Variants in CDH8 observed in about 807,000 individuals in gnomAD.
CDH8 encodes cadherin 8.
In CDH8, 17 loss-of-function variants were observed where a neutral mutation model predicts 68.1. That is an observed-to-expected ratio of 0.25 (90% CI 0.17 to 0.37). The LOEUF (loss-of-function observed/expected upper bound fraction) is 0.37, where lower values mean the gene tolerates loss of function less well. Ranked by LOEUF, CDH8 falls within the 10% of genes least tolerant of loss-of-function variation. CDH8 has a pLI of 1.00. For synonymous variants in CDH8, 372 were observed against 365.1 expected (o/e 1.02, Z -0.21); for missense variants, 763 against 999.3 (o/e 0.76, Z 3.19).
rs879615023 is a variant in CDH8, at chr16:61,825,797, G to A, written c.668-618C>T. Among the ~76,000 whole-genome samples, 6 of 151,688 alleles carry A rather than the reference G, an allele frequency of 4.0e-5. 1 individual carries two copies. The East Asian group carries it at 1.2e-3, about 29-fold the overall frequency. ...CTTCTCTTTGTAAAAGTAGCAAATA[G>A]TTTAGAAAAATAGGAAGATATAGGA... On this transcript the variant is annotated intron_variant, in intron 4 of 11. Transcript: ENST00000577390.
chr16:61,811,076 G>C (rs527521373), intron 7 of CDH8, among the ~76,000 whole-genome samples: 1 of 151,604 alleles, frequency 6.6e-6, no homozygotes, highest in South Asian at 2.1e-4. Flanking sequence ...AAGGGCTTTG[G>C]TTTTTCTGGG....
intron 10 of CDH8, among the ~76,000 whole-genome samples, chr16:61,712,804 C>A (rs950678841): frequency 1.3e-5 from 2 of 151,478 alleles, no homozygotes; most frequent in Admixed American, 1.3e-4. Flanking sequence ...CAAAGCGTCC[C>A]CACAGAACTA....
rs199698347 is a variant in CDH8, at chr16:61,735,476, G to A, written c.1415-8261C>T. ...CCCATAACTCTCTCCTGAGAATTTC[G>A]ATAAATGCCTTTTGTCATTCATTCA... On this transcript the variant is annotated intron_variant, in intron 8 of 11. Coordinates refer to ENST00000577390, the MANE Select transcript of CDH8 (RefSeq NM_001796.5). 2.0e-4 allele frequency among the ~76,000 whole-genome samples: 30 copies of A among 152,092 alleles called. No homozygotes were observed. The East Asian group carries it at 3.3e-3, about 17-fold the overall frequency.
chr16:61,821,423 A>T (rs1286184176), intron 5 of CDH8, among the ~76,000 whole-genome samples: 2 of 152,036 alleles, frequency 1.3e-5, no homozygotes, highest in Non-Finnish European at 2.9e-5. Context: ...TAGGGAATCT[A>T]TGTGTATATT....
intron 10 of CDH8, among the ~76,000 whole-genome samples, chr16:61,689,738 G>A (rs189979609): frequency 5.9e-5 from 9 of 152,048 alleles, no homozygotes; most frequent in Admixed American, 2.6e-4. Context: ...GATAAGAATA[G>A]CCAGATATTT....
At chr16:61,808,095 T>C (rs1961839277) in intron 7 of CDH8, among the ~76,000 whole-genome samples, 1 of 152,202 alleles carries the variant, frequency 6.6e-6, no homozygotes, top group Non-Finnish European at 1.5e-5. Flanking sequence ...ATTTTTCATA[T>C]CCTTTGCTGA....
Position 61,766,109 on chromosome 16 carries a change from C to T in CDH8, c.1414+23237G>A, listed in dbSNP as rs551189021. Among the ~76,000 whole-genome samples the T allele has an allele frequency of 4.4e-3, 673 of 151,694 alleles. 3 individuals are homozygous for T. The highest frequency in any genetic ancestry group is 7.4e-3 in the Admixed American group (113 of 15,184). ...ATCACCCAAGTAGTGTACATTGTAC[C>T]CAATAGGTAGTGTTTTGTTCTTCAC... On this transcript the variant is annotated intron_variant, in intron 8 of 11. Coordinates refer to ENST00000577390, the MANE Select transcript of CDH8 (RefSeq NM_001796.5).
intron 8 of CDH8, among the ~76,000 whole-genome samples, chr16:61,761,270 A>G (rs1344596912): frequency 6.6e-6 from 1 of 152,196 alleles, no homozygotes; most frequent in African/African-American, 2.4e-5. Context: ...GGTATTATAA[A>G]TAACTTTTCT....
intron 2 of CDH8, among the ~76,000 whole-genome samples, chr16:62,006,516 A>G (rs1218762645): frequency 6.6e-6 from 1 of 152,218 alleles, no homozygotes; most frequent in Non-Finnish European, 1.5e-5. Flanking sequence ...GGATTCAGGT[A>G]AGATCTAAAT....
chr16:61,941,174 A>G (rs574386282), intron 2 of CDH8, among the ~76,000 whole-genome samples: 2 of 152,174 alleles, frequency 1.3e-5, no homozygotes, highest in Non-Finnish European at 2.9e-5. Context: ...TTTTGTTCTC[A>G]TTTTATTCAT....
At chr16:61,977,110 G>A (rs924335588) in intron 2 of CDH8, among the ~76,000 whole-genome samples, 3 of 152,124 alleles carry the variant, frequency 2.0e-5, no homozygotes, top group Non-Finnish European at 4.4e-5. Flanking sequence ...ACTGCTGTGG[G>A]ATTAAGAAAA....
chr16:61,860,680 A>T (rs1963134179), intron 3 of CDH8, among the ~76,000 whole-genome samples: 1 of 152,206 alleles, frequency 6.6e-6, no homozygotes, highest in Non-Finnish European at 1.5e-5. Flanking sequence ...ATATTAAGTT[A>T]ATGAATCTGA....
intron 10 of CDH8, among the ~76,000 whole-genome samples, chr16:61,674,225 C>A (rs150042440): frequency 1.3e-5 from 2 of 151,874 alleles, no homozygotes; most frequent in African/African-American, 4.8e-5. Context: ...GAGGCCAAGG[C>A]GGGCATATTA....
At chr16:61,788,334 C>A (rs2142993927) in intron 8 of CDH8, among the ~76,000 whole-genome samples, 1 of 152,106 alleles carries the variant, frequency 6.6e-6, no homozygotes, top group East Asian at 1.9e-4. Flanking sequence ...GGCATATTTC[C>A]TATAATTATC....
intron 3 of CDH8, 197 bp downstream of exon 3, chr16:61,900,982 C>T: frequency 3.7e-6 from 2 of 545,220 alleles, no homozygotes; most frequent in Non-Finnish European, 6.5e-6. Context: ...AATAAAATTG[C>T]TCTTCCATCA....
intron 10 of CDH8, among the ~76,000 whole-genome samples, chr16:61,711,953 G>C (rs755744033): frequency 6.6e-6 from 1 of 151,600 alleles, no homozygotes; most frequent in Non-Finnish European, 1.5e-5. Flanking sequence ...TACTCTTTCT[G>C]TTTCAAGTTA....
At chr16:62,018,629 G>A (rs1901999293) in intron 2 of CDH8, among the ~76,000 whole-genome samples, 1 of 152,154 alleles carries the variant, frequency 6.6e-6, no homozygotes, top group Non-Finnish European at 1.5e-5. Flanking sequence ...CATAATTCAG[G>A]AGCATTTTTC....
intron 8 of CDH8, among the ~76,000 whole-genome samples, chr16:61,780,074 C>A (rs1961008175): frequency 1.3e-5 from 2 of 152,130 alleles, no homozygotes; most frequent in African/African-American, 4.8e-5. Flanking sequence ...CTGGAAAATG[C>A]TTATAATAAT....
chr16:61,896,963 G>C lies in CDH8; in HGVS notation c.547+4216C>G, dbSNP rs540754374. ...AACTTCATAGTCAACCTGATAATAA[G>C]GGATAGAACCAGGGTTCAAACTCCC... is the stretch of plus-strand genomic sequence containing the variant. On this transcript the variant is annotated intron_variant, in intron 3 of 11. Coordinates refer to ENST00000577390, the MANE Select transcript of CDH8 (RefSeq NM_001796.5). 2.4e-4 allele frequency among the ~76,000 whole-genome samples: 37 copies of C among 151,708 alleles called. 1 individual carries two copies. In the Middle Eastern group the frequency reaches 0.024, roughly 99 times the overall value.
Sources: gnomAD v4.1 joint callset for allele counts (sites outside exome capture counted in the v4.1 genomes callset) on GRCh38, gnomAD v4.1.1 for gene constraint, MANE v1.5 for transcripts, NCBI Gene and HGNC (gene_info 2026-07-23, HGNC 2026-07-21) for gene names.